Variants in GRID1 observed in about 807,000 individuals in gnomAD.
GRID1 encodes glutamate receptor ionotropic, delta-1.
A neutral mutation model predicts 98.0 loss-of-function variants in GRID1; 28 were observed. That is an observed-to-expected ratio of 0.29 (90% CI 0.21 to 0.39). The LOEUF (loss-of-function observed/expected upper bound fraction) is 0.39. Ranked by LOEUF, GRID1 falls within the 10% of genes least tolerant of loss-of-function variation. The pLI is 1.00. For missense variants in GRID1, 1,111 were observed against 1,340.5 expected (o/e 0.83, Z 2.67); for synonymous variants, 553 against 538.5 (o/e 1.03, Z -0.37).
chr10:85,923,830 C>T (rs1303422869), intron 4 of GRID1, among the ~76,000 whole-genome samples: 5 of 152,132 alleles, frequency 3.3e-5, no homozygotes, highest in East Asian at 1.9e-4. Flanking sequence ...GTGATTCAGG[C>T]GACAGTGATA....
intron 12 of GRID1, among the ~76,000 whole-genome samples, chr10:85,695,234 A>T (rs1164893842): frequency 6.6e-6 from 1 of 152,126 alleles, no homozygotes; most frequent in Non-Finnish European, 1.5e-5. Flanking sequence ...TGCCTTCCTT[A>T]AGAACTCAGC....
intron 8 of GRID1, among the ~76,000 whole-genome samples, chr10:85,739,904 G>A (rs975382978): frequency 6.6e-5 from 10 of 152,288 alleles, no homozygotes; most frequent in Middle Eastern, 3.4e-3. Context: ...ATAAGTAGCT[G>A]TTTCTGGCAT....
intron 14 of GRID1, among the ~76,000 whole-genome samples, chr10:85,616,819 A>T (rs2132518023): frequency 6.6e-6 from 1 of 152,310 alleles, no homozygotes; most frequent in South Asian, 2.1e-4. Flanking sequence ...TCTATTTTCC[A>T]GACAGATATA....
intron 12 of GRID1, among the ~76,000 whole-genome samples, chr10:85,699,103 A>T: frequency 6.6e-6 from 1 of 151,910 alleles, no homozygotes. Flanking sequence ...CCCAGGCTGG[A>T]GTGCAGTGCT....
At chr10:85,730,703 G>T (rs554389946) in intron 8 of GRID1, among the ~76,000 whole-genome samples, 3 of 152,302 alleles carry the variant, frequency 2.0e-5, no homozygotes, top group Admixed American at 1.3e-4. Context: ...CTCCCCAGGT[G>T]ATTCTAATGC....
intron 3 of GRID1, among the ~76,000 whole-genome samples, chr10:86,154,258 C>T (rs1845212149): frequency 6.6e-6 from 1 of 152,158 alleles, no homozygotes; most frequent in Non-Finnish European, 1.5e-5. Flanking sequence ...CTTATGAAGT[C>T]CCTTCTTTGC....
chr10:85,697,721 G>A (rs996635656), intron 12 of GRID1, among the ~76,000 whole-genome samples: 9 of 152,094 alleles, frequency 5.9e-5, no homozygotes, highest in African/African-American at 9.7e-5. Context: ...ATGTAGCTCC[G>A]TTAAAATGTA....
intron 4 of GRID1, among the ~76,000 whole-genome samples, chr10:85,938,176 T>C (rs1165263820): frequency 6.6e-6 from 1 of 152,190 alleles, no homozygotes; most frequent in Non-Finnish European, 1.5e-5. Flanking sequence ...GATGGGAGAA[T>C]CCAACTCTCT....
chr10:86,218,457 G>A (rs4934162), intron 2 of GRID1, among the ~76,000 whole-genome samples: 7,798 of 152,196 alleles, frequency 0.051, 305 homozygotes, highest in Admixed American at 0.094. Flanking sequence ...AGGTTGGAGT[G>A]GCCCACCCTG....
intron 12 of GRID1, among the ~76,000 whole-genome samples, chr10:85,715,722 T>A (rs1421241354): frequency 1.3e-5 from 2 of 152,094 alleles, no homozygotes; most frequent in African/African-American, 4.8e-5. Flanking sequence ...CAAGTGATGA[T>A]GAGAATATGG....
intron 5 of GRID1, among the ~76,000 whole-genome samples, chr10:85,871,246 T>G (rs541400310): frequency 6.6e-6 from 1 of 152,330 alleles, no homozygotes; most frequent in South Asian, 2.1e-4. Context: ...AGAAAGCCTA[T>G]TTTATAATAA....
At chr10:86,241,454 G>A (rs1488241617) in intron 2 of GRID1, among the ~76,000 whole-genome samples, 1 of 152,200 alleles carries the variant, frequency 6.6e-6, no homozygotes, top group Non-Finnish European at 1.5e-5. Context: ...CAATGCCCCT[G>A]CCAAACGAGC....
intron 6 of GRID1, among the ~76,000 whole-genome samples, chr10:85,864,013 G>A (rs1027836612): frequency 6.6e-6 from 1 of 152,170 alleles, no homozygotes; most frequent in African/African-American, 2.4e-5. Flanking sequence ...AAGAAAGGCT[G>A]CATTTCCTCC....
chr10:85,868,880 T>G, intron 6 of GRID1, 130 bp downstream of exon 6: 1 of 744,492 alleles, frequency 1.3e-6, no homozygotes, highest in South Asian at 1.7e-5. Flanking sequence ...CCGGTTTCAA[T>G]TTCAACAAAT....
At chr10:85,763,584 C>T (rs889108302) in intron 8 of GRID1, among the ~76,000 whole-genome samples, 5 of 152,242 alleles carry the variant, frequency 3.3e-5, no homozygotes, top group African/African-American at 4.8e-5. Flanking sequence ...GCAGACATCA[C>T]CAACATGGGT....
intron 5 of GRID1, among the ~76,000 whole-genome samples, chr10:85,915,207 T>C (rs575432163): frequency 1.1e-4 from 17 of 152,044 alleles, no homozygotes; most frequent in African/African-American, 4.1e-4. Context: ...CAAACATACT[T>C]ACACACACGC....
chr10:85,644,331 CA>C (rs1843160077), intron 13 of GRID1: 1 of 152,250 alleles, frequency 6.6e-6, no homozygotes. Context: ...TCTGACTTAC[CA>C]ACAATGTCCT....
intron 8 of GRID1, among the ~76,000 whole-genome samples, chr10:85,843,835 A>C (rs1023745005): frequency 6.6e-6 from 1 of 152,098 alleles, no homozygotes; most frequent in Admixed American, 6.6e-5. Flanking sequence ...TCATGGCTGA[A>C]GTATAAAATG....
At chr10:85,855,993 T>C in intron 7 of GRID1, 36 bp downstream of exon 7, 1 of 1,603,828 alleles carries the variant, frequency 6.2e-7, no homozygotes, top group South Asian at 1.1e-5. Context: ...AAGGGGCCTG[T>C]CTTTGGCCAG....
Sources: gnomAD v4.1 joint callset for allele counts (sites outside exome capture counted in the v4.1 genomes callset) on GRCh38, gnomAD v4.1.1 for gene constraint, MANE v1.5 for transcripts, NCBI Gene and HGNC (gene_info 2026-07-23, HGNC 2026-07-21) for gene names.